FSHR: variants seen among roughly 807,000 people sequenced by gnomAD.
The protein encoded by FSHR is follicle-stimulating hormone receptor.
A neutral mutation model predicts 52.1 loss-of-function variants in FSHR; 46 were observed. The ratio of observed to expected loss-of-function variants is 0.88; its 90% confidence interval spans 0.70 to 1.13. The LOEUF (loss-of-function observed/expected upper bound fraction) is 1.13. Among genes scored for constraint, FSHR ranks in the 50% most tolerant of loss-of-function variants. The pLI is 0.00. For synonymous variants in FSHR, 399 were observed against 309.6 expected (o/e 1.29, Z -3.03); for missense variants, 964 against 834.6 (o/e 1.16, Z -1.91).
chr2:49,021,865 A>C (rs7593168), intron 2 of FSHR, among the ~76,000 whole-genome samples: 2,988 of 52,060 alleles, frequency 0.057, 85 homozygotes, highest in African/African-American at 0.097. Context: ...CTCTCTCTCT[A>C]TATATATATA....
chr2:49,027,520 T>G (rs1667947605), intron 2 of FSHR, among the ~76,000 whole-genome samples: 1 of 151,992 alleles, frequency 6.6e-6, no homozygotes, highest in South Asian at 2.1e-4. Context: ...GGATAATTAT[T>G]TGGGAAAGCA....
chr2:49,058,164 C>G (rs556311325), intron 2 of FSHR, among the ~76,000 whole-genome samples: 1 of 152,230 alleles, frequency 6.6e-6, no homozygotes, highest in South Asian at 2.1e-4. Context: ...AAAGTTCAAA[C>G]AAGAGCAATT....
At position 48,980,608 on chromosome 2, in the gene FSHR, T is replaced by C. The variant is rs561622641; in HGVS notation, c.668+2304A>G. Among the ~76,000 whole-genome samples, 8 of 152,304 alleles carry C rather than the reference T, an allele frequency of 5.3e-5. No individual in the cohort carries two copies. The South Asian group carries it at 1.7e-3, about 32-fold the overall frequency. ...TCTTAGGCTGGGAGGCTGGTGTTAA[T>C]AGTTATTTTCCTCTCTATTTTAGCT... On this transcript the variant is annotated intron_variant, in intron 8 of 9. Coordinates refer to ENST00000406846, the MANE Select transcript of FSHR (RefSeq NM_000145.4).
chr2:49,113,199 T>A (rs1412073481), intron 1 of FSHR, among the ~76,000 whole-genome samples: 1 of 152,160 alleles, frequency 6.6e-6, no homozygotes, highest in African/African-American at 2.4e-5. Flanking sequence ...CATGTGGGGC[T>A]CCAAGTCCCC....
intron 1 of FSHR, among the ~76,000 whole-genome samples, chr2:49,135,948 T>C (rs1415860936): frequency 6.6e-6 from 1 of 152,044 alleles, no homozygotes; most frequent in African/African-American, 2.4e-5. Context: ...CAAGGGGTTG[T>C]CTTGGGGGGC....
At chr2:49,124,890 G>T (rs1671945458) in intron 1 of FSHR, among the ~76,000 whole-genome samples, 1 of 152,128 alleles carries the variant, frequency 6.6e-6, no homozygotes, top group Non-Finnish European at 1.5e-5. Context: ...GGGGTCCACT[G>T]GCCCCTCATT....
intron 1 of FSHR, among the ~76,000 whole-genome samples, chr2:49,097,837 G>A (rs1670882179): frequency 1.3e-5 from 2 of 152,064 alleles, no homozygotes; most frequent in South Asian, 2.1e-4. Context: ...GTGTTTTGTT[G>A]TTAGATTTAA....
At chr2:49,016,575 G>C (rs1208195049) in intron 4 of FSHR, among the ~76,000 whole-genome samples, 1 of 152,150 alleles carries the variant, frequency 6.6e-6, no homozygotes, top group African/African-American at 2.4e-5. Flanking sequence ...CCAACATCCA[G>C]TTGATCTGCC....
intron 2 of FSHR, among the ~76,000 whole-genome samples, chr2:49,038,832 A>G (rs911264224): frequency 6.6e-6 from 1 of 151,964 alleles, no homozygotes; most frequent in African/African-American, 2.4e-5. Flanking sequence ...TCATAAATAT[A>G]TTTTTAAGAA....
chr2:48,988,426 G>T (rs1402806624), intron 6 of FSHR, among the ~76,000 whole-genome samples: 1 of 152,140 alleles, frequency 6.6e-6, no homozygotes, highest in Admixed American at 6.5e-5. Context: ...AGGGGCTACT[G>T]GCATAAAAGA....
At chr2:49,075,473 T>G (rs558702762) in intron 1 of FSHR, among the ~76,000 whole-genome samples, 14 of 152,194 alleles carry the variant, frequency 9.2e-5, no homozygotes, top group African/African-American at 3.4e-4. Context: ...GCTAATTCTT[T>G]GGAAGGATTA....
chr2:48,995,663 C>T (rs1675993111), intron 4 of FSHR, among the ~76,000 whole-genome samples: 1 of 152,018 alleles, frequency 6.6e-6, no homozygotes. Flanking sequence ...TTGAGGGTTC[C>T]CTGAGCAGAG....
At chr2:49,018,460 A>G (rs189344419) in intron 3 of FSHR, among the ~76,000 whole-genome samples, 39 of 152,312 alleles carry the variant, frequency 2.6e-4, no homozygotes, top group Non-Finnish European at 4.6e-4. Context: ...GCAATTAATC[A>G]TTTTAAGTAC....
chr2:49,135,015 T>C (rs1370578196), intron 1 of FSHR, among the ~76,000 whole-genome samples: 2 of 152,166 alleles, frequency 1.3e-5, no homozygotes, highest in Non-Finnish European at 2.9e-5. Flanking sequence ...TGTATACATA[T>C]GTAACTAACC....
chr2:49,072,435 T>C (rs1489442773), intron 1 of FSHR, among the ~76,000 whole-genome samples: 2 of 152,076 alleles, frequency 1.3e-5, no homozygotes, highest in Non-Finnish European at 2.9e-5. Context: ...AACAAAAAAT[T>C]AGATTAAAAA....
At chr2:49,072,239 CCAAA>C (rs199530890) in intron 1 of FSHR, among the ~76,000 whole-genome samples, 6,269 of 151,996 alleles carry the variant, frequency 0.041, 372 homozygotes, top group East Asian at 0.22. Context: ...AACCAACCAA[CCAAA>C]CAAACAAACA....
At chr2:49,083,092 A>G (rs1670239935) in intron 1 of FSHR, among the ~76,000 whole-genome samples, 1 of 151,718 alleles carries the variant, frequency 6.6e-6, no homozygotes, top group Admixed American at 6.6e-5. Context: ...GGGCAGCCAG[A>G]GAGAAAGGTC....
At position 48,963,145 on chromosome 2, in the gene FSHR, G is replaced by C; in HGVS notation, c.1676C>G (p.Pro559Arg). Residue 559 changes from proline to arginine, a missense_variant, in exon 10 of 10, where the codon CCC (proline) becomes CGC (arginine). Transcript: ENST00000406846. ...GTCACTAGAGGAGGACACGATGTTGGGGTTCCGCACTGTGAGGTAGATGTG... is the reference window on the plus strand; with the variant it reads ...GTCACTAGAGGAGGACACGATGTTGCGGTTCCGCACTGTGAGGTAGATGTG... ...YIHIYLTVRN[P>R]NIVSSSSDTR... is the part of the protein sequence containing the mutation. 6.2e-7 allele frequency: 1 copy of C among 1,614,094 alleles called. No homozygotes were observed. The highest frequency in any genetic ancestry group is 8.5e-7 in the Non-Finnish European group (1 of 1,180,002).
intron 1 of FSHR, among the ~76,000 whole-genome samples, chr2:49,120,190 G>A (rs552041356): frequency 6.6e-6 from 1 of 152,284 alleles, no homozygotes; most frequent in East Asian, 1.9e-4. Flanking sequence ...AGAATCGCCG[G>A]GGCCAGAGAG....
Sources: allele counts gnomAD v4.1 joint callset (sites outside exome capture counted in the v4.1 genomes callset), GRCh38; gene constraint gnomAD v4.1.1; transcripts MANE v1.5; gene names NCBI Gene and HGNC (gene_info 2026-07-23, HGNC 2026-07-21).